Variants in TACC2 observed in about 807,000 individuals in gnomAD.
TACC2 encodes transforming acidic coiled-coil-containing protein 2.
A neutral mutation model predicts 227.3 loss-of-function variants in TACC2; 137 were observed. The ratio of observed to expected loss-of-function variants is 0.60; its 90% CI spans 0.52 to 0.69. The LOEUF (loss-of-function observed/expected upper bound fraction) is 0.69, where lower values mean the gene tolerates loss of function less well. Among genes scored for constraint, TACC2 ranks in the 30% least tolerant of loss-of-function variants. TACC2 has a pLI of 0.00. For missense variants in TACC2, 3,470 were observed against 3,694.4 expected, an observed-to-expected ratio of 0.94 and a Z score of 1.57; for synonymous variants, 1,523 against 1,487.5, an observed-to-expected ratio of 1.02 and a Z score of -0.55.
Position 122,194,515 on chromosome 10 carries a change from G to A in TACC2, c.5835-525G>A, listed in dbSNP as rs1157427256. ...CCCGGCCCTCCACTGTAGGCTTGGA[G>A]ATACTGTGATAAACAAGGCCGGCTG... On this transcript the variant is annotated intron_variant, in intron 7 of 22. Transcript: ENST00000369005. This position sits in a 1 kb window ranked among gnomAD's most constrained non-coding sequence, Gnocchi z 4.4. 6.6e-6 allele frequency among the ~76,000 whole-genome samples: 1 copy of A among 152,204 alleles called. No homozygotes were observed. The highest frequency in any genetic ancestry group is 1.5e-5 in the Non-Finnish European group (1 of 68,046).
rs149251875 is a variant in TACC2 at position 122,125,931 on chromosome 10, C to T, written c.5574-6678C>T. ...AGCTGGGACTACAGGTGCGCGCCAC[C>T]GCACCCAACTAATTTTTTTGTATTT... On this transcript the variant is annotated intron_variant, in intron 5 of 22. Coordinates refer to ENST00000369005, the MANE Select transcript of TACC2 (RefSeq NM_206862.4). Among the ~76,000 whole-genome samples, 54 of 152,106 alleles carry T rather than the reference C, an allele frequency of 3.6e-4. No homozygotes were observed. The East Asian group carries it at 7.2e-3, about 20-fold the overall frequency.
Position 122,091,898 on chromosome 10 carries a change from G to T in TACC2, c.5573+3307G>T, listed in dbSNP as rs553303495. On this transcript the variant is annotated intron_variant, in intron 5 of 22. Transcript: ENST00000369005. ...GTCTCTGAATTCACACCCCAGCTCTGCTCCTTACTAATTACATACCTAACC... is the reference window on the plus strand; with the variant it reads ...GTCTCTGAATTCACACCCCAGCTCTTCTCCTTACTAATTACATACCTAACC... Among the ~76,000 whole-genome samples the T allele has an allele frequency of 3.5e-4, 54 of 152,324 alleles. 1 individual carries two copies. The South Asian group carries it at 0.011, about 30-fold the overall frequency.
intron 11 of TACC2, among the ~76,000 whole-genome samples, chr10:122,223,843 T>G (rs911289571): frequency 3.9e-5 from 6 of 152,212 alleles, no homozygotes; most frequent in Non-Finnish European, 4.4e-5. Flanking sequence ...TCTTCACCTC[T>G]TGGTTTTCTT....
intron 10 of TACC2, 40 bp downstream of exon 10, chr10:122,215,491 C>A (rs375419446): frequency 7.0e-6 from 11 of 1,562,982 alleles, no homozygotes; most frequent in Non-Finnish European, 9.7e-6. Context: ...TATGCCCCCC[C>A]CGGGGGAGGT....
At chr10:122,046,285 T>C (rs1287293699) in intron 2 of TACC2, among the ~76,000 whole-genome samples, 1 of 150,808 alleles carries the variant, frequency 6.6e-6, no homozygotes, top group East Asian at 2.0e-4. Flanking sequence ...CCATCCTGGC[T>C]AACACGGTGA....
chr10:122,240,669 G>A lies in TACC2; in HGVS notation c.8349-1289G>A, dbSNP rs553563481. ...TCCCAGGCCTCCTGACCGGGGTGGG[G>A]GTCTCTATGGTTTTCTGTCATTAGG... On this transcript the variant is annotated intron_variant, in intron 18 of 22. Coordinates refer to ENST00000369005, the MANE Select transcript of TACC2 (RefSeq NM_206862.4). Among the ~76,000 whole-genome samples, 34 of 152,190 alleles carry A rather than the reference G, an allele frequency of 2.2e-4. No homozygotes were observed. In the East Asian group the frequency reaches 6.4e-3, roughly 29 times the overall value.
chr10:122,042,181 G>A (rs1448450405), intron 2 of TACC2, among the ~76,000 whole-genome samples: 8 of 152,128 alleles, frequency 5.3e-5, no homozygotes, highest in Admixed American at 1.3e-4. Context: ...TCCTGACCTC[G>A]TGATCTGCCC....
chr10:122,163,520 T>G, intron 7 of TACC2: 1 of 964,066 alleles, frequency 1.0e-6, no homozygotes. Context: ...CGATGGAGCT[T>G]TGTGAAGATG....
chr10:122,103,295 A>G (rs2082378683), intron 5 of TACC2, among the ~76,000 whole-genome samples: 1 of 152,156 alleles, frequency 6.6e-6, no homozygotes, highest in Non-Finnish European at 1.5e-5. Flanking sequence ...GCACACACAG[A>G]GCCTATGTAT....
chr10:122,193,617 G>T (rs1167926652), intron 7 of TACC2, among the ~76,000 whole-genome samples: 1 of 152,172 alleles, frequency 6.6e-6, no homozygotes, highest in Non-Finnish European at 1.5e-5. Context: ...GATCATTCGT[G>T]CCATTCAGCC....
intron 2 of TACC2, among the ~76,000 whole-genome samples, chr10:122,040,280 C>T (rs951693207): frequency 1.3e-5 from 2 of 152,120 alleles, no homozygotes; most frequent in Non-Finnish European, 2.9e-5. Flanking sequence ...CACCTGTTCC[C>T]GGGAGTGTCA....
Position 122,237,939 on chromosome 10 carries a change from CTCT to C in TACC2, c.8272-15_8272-13del, listed in dbSNP as rs573539641. On this transcript the variant is annotated intron_variant, in intron 17 of 22. Coordinates refer to ENST00000369005, the MANE Select transcript of TACC2 (RefSeq NM_206862.4). The stretch of plus-strand genomic sequence containing the variant: ...ATTCACTCATTTGGGGCTAACCTTT[CTCT>C]TCTTCTCTCTGAAACTAGATCATAA... The C allele has an allele frequency of 7.7e-4, 1,223 of 1,592,254 alleles. 24 individuals are homozygous for C. The South Asian group carries it at 0.012, about 16-fold the overall frequency.
chr10:121,999,924 A>C, intron 1 of TACC2, among the ~76,000 whole-genome samples: 1 of 152,214 alleles, frequency 6.6e-6, no homozygotes, highest in East Asian at 1.9e-4. Flanking sequence ...ATCAGTCTGC[A>C]GGCCCAAGGT....
rs572815497 is a variant in TACC2 at position 122,077,460 on chromosome 10, T to C, written c.147-5187T>C. Among the ~76,000 whole-genome samples the C allele has an allele frequency of 1.4e-4, 22 of 151,836 alleles. No homozygotes were observed. In the East Asian group the frequency reaches 4.3e-3, roughly 30 times the overall value. ...GGAGCCCAGGCCAGGGAGGCTACCC[T>C]GAGAAGCGAAGAGTGGAGCTGCAAC... On this transcript the variant is annotated intron_variant, in intron 3 of 22. Coordinates refer to ENST00000369005, the MANE Select transcript of TACC2 (RefSeq NM_206862.4).
rs767025679 is a variant in TACC2 at position 122,022,061 on chromosome 10, A to G, written c.33+47A>G. The G allele has an allele frequency of 2.5e-6, 4 of 1,604,456 alleles. No individual in the cohort carries two copies. In the East Asian group the frequency reaches 8.9e-5, roughly 36 times the overall value. On this transcript the variant is annotated intron_variant, in intron 2 of 22. Coordinates refer to ENST00000369005, the MANE Select transcript of TACC2 (RefSeq NM_206862.4). ...TCTCGAGCTACGTGGTGCTCTTGGC[A>G]GACCTTGACTAGGTTCTTTTTACAG...
chr10:122,236,124 A>G (rs889665405), intron 16 of TACC2, among the ~76,000 whole-genome samples: 8 of 152,102 alleles, frequency 5.3e-5, no homozygotes, highest in African/African-American at 1.9e-4. Context: ...ATTTTCCCTG[A>G]TGCTGTCGTA....
intron 18 of TACC2, among the ~76,000 whole-genome samples, chr10:122,238,259 A>G (rs559574701): frequency 2.0e-5 from 3 of 152,334 alleles, no homozygotes; most frequent in African/African-American, 7.2e-5. Flanking sequence ...TGTATGTACA[A>G]TGCAAAACAG....
intron 7 of TACC2, among the ~76,000 whole-genome samples, chr10:122,151,814 C>T (rs998847120): frequency 6.6e-6 from 1 of 152,166 alleles, no homozygotes; most frequent in African/African-American, 2.4e-5. Context: ...GCCTTGCATT[C>T]ATCCATTCAC....
intron 3 of TACC2, among the ~76,000 whole-genome samples, chr10:122,072,042 G>A (rs1268398609): frequency 1.4e-5 from 2 of 141,520 alleles, no homozygotes; most frequent in African/African-American, 5.3e-5. Context: ...GCAGTGGCGC[G>A]ATCTCAGCTC....
Sources: gnomAD v4.1 joint callset for allele counts (sites outside exome capture counted in the v4.1 genomes callset) on GRCh38, gnomAD v4.1.1 for gene constraint, Gnocchi (gnomAD v3.1) non-coding constraint, MANE v1.5 for transcripts, NCBI Gene and HGNC (gene_info 2026-07-23, HGNC 2026-07-21) for gene names.